Variants in SGCD observed in about 807,000 individuals in gnomAD.
The protein encoded by SGCD is delta-sarcoglycan.
In SGCD, 18 loss-of-function variants were observed where a neutral mutation model predicts 36.6. That is an observed-to-expected ratio of 0.49 (90% CI 0.34 to 0.73). SGCD has a LOEUF of 0.73. Among genes scored for constraint, SGCD ranks in the 30% least tolerant of loss-of-function variants. The probability of loss-of-function intolerance (pLI) is 0.01; values close to 1 mark genes in which losing one functional copy is unlikely to be tolerated. For missense variants in SGCD, 387 were observed against 346.7 expected, an observed-to-expected ratio of 1.12 and a Z score of -0.92; for synonymous variants, 133 against 130.6, an observed-to-expected ratio of 1.02 and a Z score of -0.12.
chr5:155,797,227 C>T, the SGCD span, among the ~76,000 whole-genome samples: 6 of 152,116 alleles, frequency 3.9e-5, no homozygotes, highest in East Asian at 5.8e-4. Flanking sequence ...AGTTCCAGGC[C>T]TACATAATTT....
intron 3 of SGCD, among the ~76,000 whole-genome samples, chr5:156,348,782 C>T (rs1371450611): frequency 1.3e-5 from 2 of 152,016 alleles, no homozygotes; most frequent in South Asian, 2.1e-4. Flanking sequence ...CAAAAAGAGT[C>T]CAAATGGCCA....
the SGCD span, among the ~76,000 whole-genome samples, chr5:155,773,813 A>G: frequency 1.3e-5 from 2 of 152,140 alleles, no homozygotes; most frequent in African/African-American, 4.8e-5. Context: ...GGATGGAAGA[A>G]GAATGCTACA....
chr5:155,839,764 C>T, the SGCD span, among the ~76,000 whole-genome samples: 1 of 152,060 alleles, frequency 6.6e-6, no homozygotes, highest in Non-Finnish European at 1.5e-5. Context: ...GGATTTCACT[C>T]ACACCTGCTC....
chr5:156,154,312 A>T (rs992176525), intron 3 of SGCD, among the ~76,000 whole-genome samples: 4 of 151,164 alleles, frequency 2.6e-5, no homozygotes, highest in Admixed American at 2.6e-4. Context: ...TTCCTCTTCC[A>T]CTCTCTCTTA....
At chr5:156,734,439 G>T (rs2113024538) in intron 7 of SGCD, among the ~76,000 whole-genome samples, 1 of 152,170 alleles carries the variant, frequency 6.6e-6, no homozygotes, top group Middle Eastern at 3.4e-3. Context: ...TACCTAGGTT[G>T]GGGAAGTTCT....
intron 7 of SGCD, among the ~76,000 whole-genome samples, chr5:156,733,773 T>G (rs1026545468): frequency 6.6e-6 from 1 of 152,214 alleles, no homozygotes; most frequent in African/African-American, 2.4e-5. Flanking sequence ...TTTATTGGCT[T>G]AAAGTCTGTT....
chr5:156,729,332 A>G (rs1481607906), intron 7 of SGCD, among the ~76,000 whole-genome samples: 1 of 152,210 alleles, frequency 6.6e-6, no homozygotes, highest in African/African-American at 2.4e-5. Context: ...ATTGACAGTA[A>G]GGCCTTAGTT....
intron 4 of SGCD, among the ~76,000 whole-genome samples, chr5:156,578,579 C>T (rs1264412751): frequency 2.6e-5 from 4 of 152,166 alleles, no homozygotes; most frequent in African/African-American, 9.7e-5. Flanking sequence ...TTAATTATTA[C>T]CTCAATTTCA....
intron 7 of SGCD, among the ~76,000 whole-genome samples, chr5:156,673,994 T>A (rs183217889): frequency 1.5e-3 from 233 of 152,288 alleles, no homozygotes; most frequent in African/African-American, 5.3e-3. Flanking sequence ...AGAATGCTCT[T>A]TGGGAAATGA....
At chr5:156,088,661 G>A (rs908937263) in intron 1 of SGCD, among the ~76,000 whole-genome samples, 3 of 151,770 alleles carry the variant, frequency 2.0e-5, no homozygotes, top group African/African-American at 7.3e-5. Context: ...TGCTATACTC[G>A]GCTAATTGTT....
At chr5:156,118,582 G>C (rs969630388) in intron 2 of SGCD, among the ~76,000 whole-genome samples, 56 of 152,102 alleles carry the variant, frequency 3.7e-4, no homozygotes, top group African/African-American at 1.3e-3. Context: ...AAGTTTATGA[G>C]AGACACATAT....
chr5:156,255,785 G>A (rs1170567965), intron 3 of SGCD, among the ~76,000 whole-genome samples: 1 of 151,720 alleles, frequency 6.6e-6, no homozygotes, highest in Non-Finnish European at 1.5e-5. Flanking sequence ...TATTTTGTTG[G>A]TTTTTCAGAC....
At chr5:155,863,850 A>G in the SGCD span, among the ~76,000 whole-genome samples, 1 of 152,164 alleles carries the variant, frequency 6.6e-6, no homozygotes, top group Admixed American at 6.5e-5. Flanking sequence ...CATTCAACAG[A>G]TATATATTGA....
At chr5:156,070,793 T>C (rs1760525941) in intron 1 of SGCD, among the ~76,000 whole-genome samples, 1 of 152,184 alleles carries the variant, frequency 6.6e-6, no homozygotes, top group Non-Finnish European at 1.5e-5. Context: ...CTATTGATTA[T>C]TGCCACAATT....
chr5:155,872,889 A>T (rs1755683783), intron 1 of SGCD, among the ~76,000 whole-genome samples: 1 of 152,182 alleles, frequency 6.6e-6, no homozygotes, highest in African/African-American at 2.4e-5. Flanking sequence ...ATAATCAGAA[A>T]ACAAACCTAT....
At chr5:156,554,174 G>A (rs969204214) in intron 4 of SGCD, among the ~76,000 whole-genome samples, 2 of 151,992 alleles carry the variant, frequency 1.3e-5, no homozygotes, top group Non-Finnish European at 2.9e-5. Flanking sequence ...TGGCCAACAT[G>A]ATGAAACCCC....
intron 3 of SGCD, among the ~76,000 whole-genome samples, chr5:156,232,706 C>G (rs1327998599): frequency 6.6e-6 from 1 of 152,154 alleles, no homozygotes; most frequent in Non-Finnish European, 1.5e-5. Context: ...ATTAGTGTGT[C>G]TATTAGTATC....
intron 7 of SGCD, among the ~76,000 whole-genome samples, chr5:156,695,511 GGATAGATAGATAGATA>G (rs56315334): frequency 0.3 from 41,717 of 139,456 alleles, 6,168 homozygotes; most frequent in East Asian, 0.38. Flanking sequence ...ATAGATAGAT[GGATAGATAGATAGATA>G]GATAGATAGA....
In SGCD at chr5:156,494,335, A is replaced by ATT. The variant is rs11295916; in HGVS notation, c.193-14251_193-14250dup. On this transcript the variant is annotated intron_variant, in intron 3 of 8. Transcript: ENST00000337851. ...AAACTCTTTTTTTTAATCCCCTCCT[A>ATT]TTTTTTTTTTTTTTTTGAGGACTCT... Among the ~76,000 whole-genome samples the ATT allele has an allele frequency of 1.7e-3, 228 of 136,286 alleles. 1 individual carries two copies. Among genetic ancestry groups the ATT allele is most frequent in the South Asian group, 5.8e-3 (25 of 4,290 alleles). 89.4% of individuals were successfully genotyped at this position (136,286 alleles called of 152,430 possible).
Sources: gnomAD v4.1 joint callset for allele counts (sites outside exome capture counted in the v4.1 genomes callset) on GRCh38, gnomAD v4.1.1 for gene constraint, MANE v1.5 for transcripts, NCBI Gene and HGNC (gene_info 2026-07-23, HGNC 2026-07-21) for gene names.